The following ULK4 variants were observed in gnomAD, a reference collection of about 807,000 sequenced individuals.
ULK4 encodes the protein inactive serine/threonine-protein kinase ULK4.
A neutral mutation model predicts 160.6 loss-of-function variants in ULK4; 133 were observed. The observed-to-expected ratio is 0.83, with a 90% confidence interval of 0.72 to 0.96. ULK4 has a LOEUF of 0.96. Among genes scored for constraint, ULK4 ranks in the 40% least tolerant of loss-of-function variants. The pLI is 0.00. For missense variants in ULK4, 1,580 were observed against 1,499.5 expected (o/e 1.05, Z -0.89); for synonymous variants, 534 against 539.8 (o/e 0.99, Z 0.15).
At chr3:41,702,298 C>A (rs889764487) in intron 27 of ULK4, among the ~76,000 whole-genome samples, 9 of 152,232 alleles carry the variant, frequency 5.9e-5, no homozygotes, top group Non-Finnish European at 1.2e-4. Context: ...GCAAGTGCCA[C>A]CACATCCAGC....
chr3:41,876,046 A>G (rs1183930774), intron 17 of ULK4, among the ~76,000 whole-genome samples: 5 of 152,132 alleles, frequency 3.3e-5, no homozygotes, highest in African/African-American at 1.2e-4. Flanking sequence ...TGTGTGGACT[A>G]GAGGAATAAG....
At chr3:41,697,269 C>T (rs551121487) in intron 27 of ULK4, among the ~76,000 whole-genome samples, 7 of 152,138 alleles carry the variant, frequency 4.6e-5, no homozygotes, top group Admixed American at 3.3e-4. Context: ...TGTACGATGA[C>T]GGTCCCTTAA....
At chr3:41,854,450 C>T (rs1340656692) in intron 17 of ULK4, among the ~76,000 whole-genome samples, 1 of 152,140 alleles carries the variant, frequency 6.6e-6, no homozygotes, top group African/African-American at 2.4e-5. Context: ...AGTAGCAGCC[C>T]TTATCTGCAC....
chr3:41,349,520 C>G (rs749320463), intron 35 of ULK4, among the ~76,000 whole-genome samples: 2 of 152,144 alleles, frequency 1.3e-5, no homozygotes. Context: ...GTTCCATGCA[C>G]CAATACTCAA....
At chr3:41,635,567 T>G (rs778211780) in intron 30 of ULK4, among the ~76,000 whole-genome samples, 1 of 152,212 alleles carries the variant, frequency 6.6e-6, no homozygotes, top group Non-Finnish European at 1.5e-5. Flanking sequence ...TTTTTCTACT[T>G]ATACATGACA....
chr3:41,757,402 G>A (rs2038839103), intron 21 of ULK4, among the ~76,000 whole-genome samples: 1 of 152,044 alleles, frequency 6.6e-6, no homozygotes, highest in Non-Finnish European at 1.5e-5. Context: ...GGAGGCCAAG[G>A]CGGGCAGAAC....
At chr3:41,554,267 A>G (rs2125582783) in intron 32 of ULK4, among the ~76,000 whole-genome samples, 1 of 152,320 alleles carries the variant, frequency 6.6e-6, no homozygotes, top group African/African-American at 2.4e-5. Context: ...CAAGACGTGG[A>G]ATCAACCGAA....
At chr3:41,901,002 A>G (rs1698332189) in intron 12 of ULK4, among the ~76,000 whole-genome samples, 173 bp from the exon 13 acceptor site, 2 of 152,166 alleles carry the variant, frequency 1.3e-5, no homozygotes, top group South Asian at 4.1e-4. Context: ...AAAATCCTAA[A>G]CTGTAGGCAC....
At chr3:41,509,765 A>C (rs1029059022) in intron 32 of ULK4, among the ~76,000 whole-genome samples, 21 of 152,206 alleles carry the variant, frequency 1.4e-4, no homozygotes, top group African/African-American at 5.1e-4. Context: ...TTTTCCAGAC[A>C]AACAAATTCT....
intron 35 of ULK4, among the ~76,000 whole-genome samples, chr3:41,356,624 G>C (rs760556619): frequency 6.6e-5 from 10 of 152,086 alleles, no homozygotes; most frequent in Non-Finnish European, 1.5e-4. Flanking sequence ...ACTCATTGCT[G>C]TAATGCTTTG....
intron 32 of ULK4, among the ~76,000 whole-genome samples, chr3:41,471,884 T>A (rs78784573): frequency 0.03 from 4,573 of 150,730 alleles, 220 homozygotes; most frequent in African/African-American, 0.1. Context: ...TTACAATAAG[T>A]ACCTACATCA....
At chr3:41,868,831 G>A (rs1207240272) in intron 17 of ULK4, among the ~76,000 whole-genome samples, 5 of 151,768 alleles carry the variant, frequency 3.3e-5, no homozygotes, top group Non-Finnish European at 7.4e-5. Flanking sequence ...GACAATCTCT[G>A]CCTTTTGATG....
intron 32 of ULK4, among the ~76,000 whole-genome samples, chr3:41,530,995 C>A (rs754734177): frequency 1.3e-5 from 2 of 151,384 alleles, no homozygotes; most frequent in Non-Finnish European, 2.9e-5. Flanking sequence ...ATCTCTTGAC[C>A]TCGTGATCTG....
At chr3:41,644,763 G>C (rs1262563648) in intron 30 of ULK4, among the ~76,000 whole-genome samples, 2 of 150,968 alleles carry the variant, frequency 1.3e-5, no homozygotes, top group Non-Finnish European at 3.0e-5. Flanking sequence ...GTTTCAGAAG[G>C]AATGGTACCA....
intron 35 of ULK4, among the ~76,000 whole-genome samples, chr3:41,311,067 G>T (rs564529852): frequency 1.3e-5 from 2 of 152,004 alleles, no homozygotes; most frequent in South Asian, 4.2e-4. Context: ...AAACATTAAC[G>T]CTGTGATGGT....
At chr3:41,780,642 T>G (rs990298118) in intron 21 of ULK4, among the ~76,000 whole-genome samples, 1 of 152,158 alleles carries the variant, frequency 6.6e-6, no homozygotes, top group Non-Finnish European at 1.5e-5. Flanking sequence ...GGGAGCCACC[T>G]AGGCTTAGGA....
intron 27 of ULK4, among the ~76,000 whole-genome samples, chr3:41,686,187 C>T (rs1021263226): frequency 1.3e-5 from 2 of 152,046 alleles, no homozygotes; most frequent in Non-Finnish European, 2.9e-5. Flanking sequence ...TTGAGATGAG[C>T]TGACACAGTA....
intron 32 of ULK4, among the ~76,000 whole-genome samples, chr3:41,491,714 T>C (rs2084773498): frequency 6.6e-6 from 1 of 151,938 alleles, no homozygotes; most frequent in Non-Finnish European, 1.5e-5. Flanking sequence ...TTTTTATTCA[T>C]TTGCTTTATT....
intron 22 of ULK4, among the ~76,000 whole-genome samples, chr3:41,748,564 A>G (rs1293341589): frequency 1.3e-5 from 2 of 152,072 alleles, no homozygotes; most frequent in Non-Finnish European, 2.9e-5. Flanking sequence ...TTTTATTTCT[A>G]TTTTTAACAT....
Sources: allele counts gnomAD v4.1 joint callset (sites outside exome capture counted in the v4.1 genomes callset), GRCh38; gene constraint gnomAD v4.1.1; transcripts MANE v1.5; gene names NCBI Gene and HGNC (gene_info 2026-07-23, HGNC 2026-07-21).